HIVEP2: variants seen among roughly 807,000 people sequenced by gnomAD.
HIVEP2 encodes transcription factor HIVEP2.
HIVEP2 carries 14 observed loss-of-function variants against 180.7 expected under a neutral mutation model. The ratio of observed to expected loss-of-function variants is 0.08; its 90% confidence interval spans 0.05 to 0.12. The LOEUF (loss-of-function observed/expected upper bound fraction) is 0.12, where lower values mean the gene tolerates loss of function less well. HIVEP2 is among the 10% of genes least tolerant of loss of function. The probability of loss-of-function intolerance (pLI) is 1.00; values close to 1 mark genes in which losing one functional copy is unlikely to be tolerated. For missense variants in HIVEP2, 2,579 were observed against 3,008.5 expected (o/e 0.86, Z 3.34); for synonymous variants, 1,184 against 1,136.4 (o/e 1.04, Z -0.84).
Position 142,834,057 on chromosome 6 carries a change from T to C in HIVEP2, c.-528+2878A>G, listed in dbSNP as rs2114871263. Among the ~76,000 whole-genome samples the C allele has an allele frequency of 1.3e-5, 2 of 152,336 alleles. 1 individual carries two copies. The highest frequency in any genetic ancestry group is 4.1e-4 in the South Asian group (2 of 4,830). On this transcript the variant is annotated intron_variant, in intron 2 of 9. Coordinates refer to ENST00000367603, the MANE Select transcript of HIVEP2 (RefSeq NM_006734.4). Reference sequence around the variant, plus strand: ...GAATGATCTGTGATAGCAGAAGTTATAGTACACCCGGAGATAACAGATAGC... The same window carrying C: ...GAATGATCTGTGATAGCAGAAGTTACAGTACACCCGGAGATAACAGATAGC...
At chr6:142,785,559 C>T (rs1229095904) in intron 2 of HIVEP2, among the ~76,000 whole-genome samples, 3 of 152,138 alleles carry the variant, frequency 2.0e-5, no homozygotes, top group Non-Finnish European at 4.4e-5. Flanking sequence ...ACCAACCTCC[C>T]TTCCCTTCCA....
chr6:142,753,367 G>C lies in HIVEP2; in HGVS notation c.7081C>G (p.Pro2361Ala), dbSNP rs1389689691. The change falls in exon 10 of 10, where the codon CCC becomes GCC. Residue 2361 changes from proline (P) to alanine (A), a missense_variant. This residue lies in a region of HIVEP2 where 660 missense variants were observed against 731.7 expected (regional missense o/e 0.90). Coordinates refer to ENST00000367603, the MANE Select transcript of HIVEP2 (RefSeq NM_006734.4). ...PARVQEPHQNPLGSAHVSIRH... is the reference protein window; with the variant it reads ...PARVQEPHQNALGSAHVSIRH... ...ATGCTAACATGTGCACTTCCCAGGG[G>C]GTTCTGGTGGGGCTCCTGCACCCGC... 1 of 1,613,956 alleles carries C rather than the reference G, an allele frequency of 6.2e-7. No individual in the cohort carries two copies. Among genetic ancestry groups the C allele is most frequent in the Non-Finnish European group, 8.5e-7 (1 of 1,180,044 alleles).
At chr6:142,794,335 G>A (rs1160015021) in intron 2 of HIVEP2, among the ~76,000 whole-genome samples, 2 of 152,106 alleles carry the variant, frequency 1.3e-5, no homozygotes, top group Non-Finnish European at 2.9e-5. Flanking sequence ...ATGTAACTAG[G>A]AACTGTTTCC....
At chr6:142,833,760 T>C (rs1775154494) in intron 2 of HIVEP2, among the ~76,000 whole-genome samples, 1 of 152,160 alleles carries the variant, frequency 6.6e-6, no homozygotes, top group South Asian at 2.1e-4. Flanking sequence ...TGGGCTCCAC[T>C]CACCTAAGCT....
intron 1 of HIVEP2, among the ~76,000 whole-genome samples, chr6:142,883,914 A>G (rs978307048): frequency 7.9e-5 from 12 of 152,164 alleles, no homozygotes; most frequent in Non-Finnish European, 1.8e-4. Flanking sequence ...GCAAGTTTTC[A>G]AAAGGAAGGT....
chr6:142,882,374 GC>G (rs1207652658), intron 1 of HIVEP2, among the ~76,000 whole-genome samples: 4 of 152,132 alleles, frequency 2.6e-5, no homozygotes, highest in African/African-American at 9.7e-5. Context: ...ATGCTGGGAG[GC>G]CAAGGTGAGA....
intron 2 of HIVEP2, among the ~76,000 whole-genome samples, chr6:142,829,349 G>T (rs148040154): frequency 6.6e-6 from 1 of 151,786 alleles, no homozygotes; most frequent in African/African-American, 2.4e-5. Context: ...AACACTTTAC[G>T]TAGGTGAATA....
At chr6:142,785,394 T>C (rs1021743921) in intron 2 of HIVEP2, among the ~76,000 whole-genome samples, 2 of 132,740 alleles carry the variant, frequency 1.5e-5, no homozygotes, top group Non-Finnish European at 3.2e-5. Flanking sequence ...GCAAAATGCA[T>C]CCAAGACATA....
rs539887130 is a variant in HIVEP2, at chr6:142,822,178, C to T, written c.-528+14757G>A. Among the ~76,000 whole-genome samples, 12 of 152,304 alleles carry T rather than the reference C, an allele frequency of 7.9e-5. 1 individual carries two copies. The highest frequency in any genetic ancestry group is 1.6e-4 in the Non-Finnish European group (11 of 68,036). The stretch of plus-strand genomic sequence containing the variant: ...TCTGCAGTAAAACACAGGATTTCGT[C>T]TACATCAGACCTTTTGAGTCTTTTG... On this transcript the variant is annotated intron_variant, in intron 2 of 9. Transcript: ENST00000367603.
chr6:142,867,729 T>C (rs1776176239), intron 1 of HIVEP2, among the ~76,000 whole-genome samples: 1 of 152,166 alleles, frequency 6.6e-6, no homozygotes, highest in South Asian at 2.1e-4. Flanking sequence ...ATGCTGCCAG[T>C]TACTTAGAAA....
At chr6:142,810,769 A>G (rs916856277) in intron 2 of HIVEP2, among the ~76,000 whole-genome samples, 17 of 151,784 alleles carry the variant, frequency 1.1e-4, no homozygotes, top group African/African-American at 4.1e-4. Context: ...CTCAAAAAAA[A>G]AAAAAAAAAA....
intron 1 of HIVEP2, among the ~76,000 whole-genome samples, chr6:142,863,550 G>A (rs977370303): frequency 2.0e-4 from 30 of 152,092 alleles, no homozygotes; most frequent in Non-Finnish European, 2.8e-4. Context: ...GACAGGACAC[G>A]CAAATATCAA....
At chr6:142,940,116 T>A (rs1778141736) in intron 1 of HIVEP2, among the ~76,000 whole-genome samples, 1 of 152,222 alleles carries the variant, frequency 6.6e-6, no homozygotes, top group Non-Finnish European at 1.5e-5. Context: ...TTTGAAAATA[T>A]ATAGATCTAG....
At chr6:142,760,748 A>G (rs1775210754) in intron 8 of HIVEP2, 81 bp from the exon 9 acceptor site, 7 of 1,091,538 alleles carry the variant, frequency 6.4e-6, no homozygotes, top group Non-Finnish European at 9.0e-6. Context: ...ATTTCTTTCT[A>G]AACGCTTTTC....
chr6:142,878,484 G>A (rs773032722), intron 1 of HIVEP2, among the ~76,000 whole-genome samples: 15 of 152,112 alleles, frequency 9.9e-5, no homozygotes, highest in Non-Finnish European at 1.5e-4. Flanking sequence ...CCTATTTCTC[G>A]CCTTACTGGT....
At chr6:142,866,969 CAGG>C (rs771352053) in intron 1 of HIVEP2, among the ~76,000 whole-genome samples, 10 of 152,060 alleles carry the variant, frequency 6.6e-5, no homozygotes, top group African/African-American at 9.7e-5. Flanking sequence ...AACTGGTGAA[CAGG>C]AGAAGTTGAC....
At chr6:142,843,945 G>GA (rs1775438327) in intron 1 of HIVEP2, among the ~76,000 whole-genome samples, 1 of 152,074 alleles carries the variant, frequency 6.6e-6, no homozygotes, top group Admixed American at 6.6e-5. Context: ...CACTACAATA[G>GA]ATTTAATAAT....
At position 142,753,499 on chromosome 6, in the gene HIVEP2, C is replaced by G; in HGVS notation, c.6949G>C (p.Ala2317Pro). 1 of 1,614,112 alleles carries G rather than the reference C, an allele frequency of 6.2e-7. No homozygotes were observed. The highest frequency in any genetic ancestry group is 8.5e-7 in the Non-Finnish European group (1 of 1,180,042). ...TTTTCCTCCTGTTCCCGCTCTGTTG[C>G]GTTTAGGCTGTCTTCCGAAGTGCTC... ...KQSTSEDSLN[A>P]TEREQEENIQ... The change falls in exon 10 of 10, where the codon GCA becomes CCA. Residue 2317 changes from alanine (A) to proline (P), a missense_variant. Physicochemically the swap from Ala to Pro is conservative, Grantham distance 27. Coordinates refer to ENST00000367603, the MANE Select transcript of HIVEP2 (RefSeq NM_006734.4).
chr6:142,773,412 T>G lies in HIVEP2; in HGVS notation c.1327A>C (p.Thr443Pro). The G allele has an allele frequency of 6.2e-7, 1 of 1,614,230 alleles. No homozygotes were observed. The highest frequency in any genetic ancestry group is 1.1e-5 in the South Asian group (1 of 91,080). ...SPRNALSVTT[T>P]SQERAAMGRK... ...CCCATTGCGGCACGCTCCTGACTTG[T>G]GGTTGTAACACTGAGTGCATTTCTC... Residue 443 changes from threonine to proline, a missense_variant, in exon 5 of 10, where the codon ACA becomes CCA. By Grantham distance (38) the Thr-to-Pro change is conservative. Around this residue, in one of 11 missense-constraint regions of HIVEP2, gnomAD observed 524 missense variants for 563.6 expected, o/e 0.93. Transcript: ENST00000367603.
Sources: allele counts gnomAD v4.1 joint callset (sites outside exome capture counted in the v4.1 genomes callset), GRCh38; gene constraint gnomAD v4.1.1; regional missense constraint gnomAD v4.1.1; transcripts MANE v1.5; gene names NCBI Gene and HGNC (gene_info 2026-07-23, HGNC 2026-07-21).